Variants in UBE2V2 observed in about 807,000 individuals in gnomAD.
UBE2V2 encodes the protein ubiquitin-conjugating enzyme E2 variant 2.
UBE2V2 carries 9 observed loss-of-function variants against 17.2 expected under a neutral mutation model. The ratio of observed to expected loss-of-function variants is 0.52; its 90% CI spans 0.32 to 0.91. UBE2V2 has a LOEUF of 0.91. Ranked by LOEUF, UBE2V2 falls within the 40% of genes least tolerant of loss-of-function variation. The pLI is 0.04. For missense variants in UBE2V2, 133 were observed against 182.6 expected (o/e 0.73, Z 1.56); for synonymous variants, 61 against 57.5 (o/e 1.06, Z -0.28).
the UBE2V2 span, among the ~76,000 whole-genome samples, chr8:48,001,311 C>T: frequency 4.6e-5 from 7 of 152,172 alleles, no homozygotes; most frequent in South Asian, 1.4e-3. Context: ...CCTGACCAAA[C>T]CTACTACCTT....
chr8:48,041,718 A>G (rs919684663), intron 1 of UBE2V2: 2 of 152,194 alleles, frequency 1.3e-5, no homozygotes, highest in African/African-American at 2.4e-5. Flanking sequence ...AATTGAAATC[A>G]AGTACAAATT....
chr8:48,032,354 C>A (rs941845716), intron 1 of UBE2V2, among the ~76,000 whole-genome samples: 2 of 152,062 alleles, frequency 1.3e-5, no homozygotes, highest in African/African-American at 2.4e-5. Flanking sequence ...AAGAATATTA[C>A]CTTCTGATTT....
chr8:48,014,732 G>A lies in UBE2V2; in HGVS notation c.16+6262G>A, dbSNP rs147778868. On this transcript the variant is annotated intron_variant, in intron 1 of 3. Transcript: ENST00000523111. Reference sequence around the variant, plus strand: ...CATAATTTAAAGTATCAGATATTAAGAATTAAAATGTTTTATTTCATTAAA... The same window carrying A: ...CATAATTTAAAGTATCAGATATTAAAAATTAAAATGTTTTATTTCATTAAA... 1.3e-3 allele frequency among the ~76,000 whole-genome samples: 193 copies of A among 148,420 alleles called. 1 individual carries two copies. Among genetic ancestry groups the A allele is most frequent in the Non-Finnish European group, 2.0e-3 (137 of 67,164 alleles).
intron 1 of UBE2V2, among the ~76,000 whole-genome samples, chr8:48,031,872 T>G (rs1429337685): frequency 6.6e-6 from 1 of 152,158 alleles, no homozygotes; most frequent in East Asian, 1.9e-4. Context: ...GGTCTCAATC[T>G]CCTGACCTCA....
At chr8:48,014,885 C>G (rs186677584) in intron 1 of UBE2V2, among the ~76,000 whole-genome samples, 1 of 150,052 alleles carries the variant, frequency 6.7e-6, no homozygotes, top group African/African-American at 2.5e-5. Flanking sequence ...CCCGTCTCTA[C>G]CAAAAATACA....
intron 1 of UBE2V2, among the ~76,000 whole-genome samples, chr8:48,041,469 G>GC (rs1338325683): frequency 1.3e-5 from 2 of 152,020 alleles, no homozygotes; most frequent in African/African-American, 4.8e-5. Flanking sequence ...AAATAACACA[G>GC]CAGGTGTATG....
At chr8:47,997,832 T>C in the UBE2V2 span, among the ~76,000 whole-genome samples, 30 of 151,432 alleles carry the variant, frequency 2.0e-4, no homozygotes, top group Non-Finnish European at 4.1e-4. Flanking sequence ...AGTGGAGGCA[T>C]ACGGTGGGGG....
intron 1 of UBE2V2, among the ~76,000 whole-genome samples, chr8:48,015,570 C>T (rs547973726): frequency 6.6e-6 from 1 of 152,214 alleles, no homozygotes; most frequent in South Asian, 2.1e-4. Context: ...CCATGCTATA[C>T]AGTAGTGCTC....
chr8:48,025,111 T>C (rs1033465508), intron 1 of UBE2V2, among the ~76,000 whole-genome samples: 1 of 152,012 alleles, frequency 6.6e-6, no homozygotes, highest in Admixed American at 6.6e-5. Flanking sequence ...GCTTGTTGTA[T>C]TTTTAGTAGA....
intron 1 of UBE2V2, among the ~76,000 whole-genome samples, chr8:48,033,856 C>T (rs960292697): frequency 3.3e-5 from 5 of 152,062 alleles, no homozygotes; most frequent in African/African-American, 1.2e-4. Flanking sequence ...ACTTGGGAGG[C>T]TAAGGTGGGA....
At chr8:48,048,068 A>C (rs938690836) in intron 2 of UBE2V2, among the ~76,000 whole-genome samples, 16 of 148,800 alleles carry the variant, frequency 1.1e-4, no homozygotes, top group Non-Finnish European at 2.4e-4. Flanking sequence ...CAGATGTGCC[A>C]TGAGTTTGAC....
chr8:48,024,558 G>A (rs1326105825), intron 1 of UBE2V2, among the ~76,000 whole-genome samples: 2 of 151,348 alleles, frequency 1.3e-5, no homozygotes, highest in Non-Finnish European at 2.9e-5. Context: ...TCGCGCCATT[G>A]CACACCAGCC....
intron 1 of UBE2V2, among the ~76,000 whole-genome samples, chr8:48,027,788 C>CTGCA (rs1236186024): frequency 5.3e-5 from 8 of 152,264 alleles, no homozygotes; most frequent in Non-Finnish European, 1.0e-4. Flanking sequence ...GCGTAAGCCA[C>CTGCA]TGCACCTGGC....
At chr8:48,055,762 CTGTCT>C (rs1158334443) in intron 3 of UBE2V2, among the ~76,000 whole-genome samples, 7 of 105,560 alleles carry the variant, frequency 6.6e-5, no homozygotes, top group Non-Finnish European at 1.1e-4. Context: ...AATCCACTTT[CTGTCT>C]TTTTTTTTTT....
chr8:48,016,320 A>G (rs1232934522), intron 1 of UBE2V2, among the ~76,000 whole-genome samples: 1 of 152,122 alleles, frequency 6.6e-6, no homozygotes, highest in Non-Finnish European at 1.5e-5. Context: ...CTTTGGCTAT[A>G]TATGCAGTAG....
At chr8:48,031,231 C>CAA (rs974491342) in intron 1 of UBE2V2, among the ~76,000 whole-genome samples, 11 of 151,664 alleles carry the variant, frequency 7.3e-5, no homozygotes, top group Non-Finnish European at 1.6e-4. Context: ...CAAACCCCCC[C>CAA]CAACAACAAC....
At chr8:48,049,750 T>TA in intron 2 of UBE2V2, 103 bp from the exon 3 acceptor site, 1 of 1,039,568 alleles carries the variant, frequency 9.6e-7, no homozygotes, top group South Asian at 1.6e-5. Flanking sequence ...AACACTGTCT[T>TA]ACGTACATTC....
Position 48,062,479 on chromosome 8 carries a change from G to A in UBE2V2, c.*1651G>A, listed in dbSNP as rs1214695184. 1 of 151,444 alleles carries A rather than the reference G, an allele frequency of 6.6e-6. No individual in the cohort carries two copies. Among genetic ancestry groups the A allele is most frequent in the Non-Finnish European group, 1.5e-5 (1 of 67,982 alleles). The allele number at this position is 151,444 out of a possible 1,614,324, so 9.4% of individuals were successfully genotyped here. A position where few individuals can be genotyped will look rare whatever the true frequency, so the allele number is the denominator to read the frequency against. ...GTGGTGGTGGGTACTTGTAGTCCCA[G>A]CTACTCGGGAGGCTGGGCAGGAGAA... On this transcript the variant is annotated 3_prime_UTR_variant, in exon 4 of 4. Transcript: ENST00000523111.
At chr8:48,015,153 G>A (rs1204966768) in intron 1 of UBE2V2, among the ~76,000 whole-genome samples, 1 of 151,986 alleles carries the variant, frequency 6.6e-6, no homozygotes, top group Non-Finnish European at 1.5e-5. Flanking sequence ...CGAGGTGGGT[G>A]GATTACTAGA....
Sources: allele counts gnomAD v4.1 joint callset (sites outside exome capture counted in the v4.1 genomes callset), GRCh38; gene constraint gnomAD v4.1.1; transcripts MANE v1.5; gene names NCBI Gene and HGNC (gene_info 2026-07-23, HGNC 2026-07-21).